The following TMEM268 variants were observed in gnomAD, a reference collection of about 807,000 sequenced individuals.
The protein encoded by TMEM268 is transmembrane protein 268.
A neutral mutation model predicts 39.1 loss-of-function variants in TMEM268; 24 were observed. The observed-to-expected ratio is 0.61, with a 90% CI of 0.44 to 0.86. The LOEUF is 0.86. TMEM268 is among the 40% of genes least tolerant of loss of function. The pLI is 0.00. For missense variants in TMEM268, 409 were observed against 428.6 expected, an observed-to-expected ratio of 0.95 and a Z score of 0.40; for synonymous variants, 176 against 173.5, an observed-to-expected ratio of 1.01 and a Z score of -0.12.
upstream of TMEM268, among the ~76,000 whole-genome samples, chr9:114,610,378 C>G (rs1046017982): frequency 1.3e-5 from 2 of 152,146 alleles, no homozygotes; most frequent in South Asian, 2.1e-4. Context: ...ATAACTTTTG[C>G]GCAAACCTAA....
At chr9:114,631,291 A>AAAAAAAAAAAAAAAAAAAAGG (rs1846387055) in intron 5 of TMEM268, among the ~76,000 whole-genome samples, 1 of 23,292 alleles carries the variant, frequency 4.3e-5, no homozygotes, top group African/African-American at 1.0e-4. Flanking sequence ...TCAAAAAAAA[A>AAAAAAAAAAAAAAAAAAAAGG]AAAAAAAAAA....
Position 114,633,864 on chromosome 9 carries a change from C to A in TMEM268, c.571C>A (p.Gln191Lys). Residue 191 changes from glutamine (Q) to lysine (K), a missense_variant, in exon 6 of 9, where the codon CAG becomes AAG. Coordinates refer to ENST00000288502, the MANE Select transcript of TMEM268 (RefSeq NM_153045.4). ...LGVTDTVEGC[Q>K]SVIQLWFVYF... ...GGTGACAGACACAGTGGAAGGATGC[C>A]AGAGTGTGATTCAGGTGCTGTGTCT... The A allele has an allele frequency of 6.3e-7, 1 of 1,594,438 alleles. No individual in the cohort carries two copies. The highest frequency in any genetic ancestry group is 8.5e-7 in the Non-Finnish European group (1 of 1,170,006).
chr9:114,611,293 T>C lies in TMEM268; in HGVS notation c.-350T>C, dbSNP rs1416730227. 1.3e-5 allele frequency: 2 copies of C among 151,496 alleles called. No individual in the cohort carries two copies. The highest frequency in any genetic ancestry group is 2.0e-4 in the East Asian group (1 of 5,120). The allele number at this position is 151,496 out of a possible 1,614,324, so 9.4% of individuals were successfully genotyped here. A position where few individuals can be genotyped will look rare whatever the true frequency, so the allele number is the denominator to read the frequency against. On this transcript the variant is annotated 5_prime_UTR_variant, in exon 1 of 9. It removes an upstream start codon present in the reference 5' UTR. Transcript: ENST00000288502. Reference sequence around the variant, plus strand: ...GCGTCCCGGGGGGGCGCTCGGCTGATGAAACGCGGCCTCCAGCTCCGCTCC... The same window carrying C: ...GCGTCCCGGGGGGGCGCTCGGCTGACGAAACGCGGCCTCCAGCTCCGCTCC...
At chr9:114,638,812 C>T in intron 8 of TMEM268, 86 bp downstream of exon 8, 2 of 1,010,812 alleles carry the variant, frequency 2.0e-6, no homozygotes, top group Non-Finnish European at 2.7e-6. Flanking sequence ...CTTAGATTCC[C>T]CAAGACATGC....
chr9:114,642,662 G>A (rs1249085213), intron 8 of TMEM268, among the ~76,000 whole-genome samples: 1 of 150,846 alleles, frequency 6.6e-6, no homozygotes, highest in East Asian at 1.9e-4. Context: ...TTTTATTTTT[G>A]TAGAGACAGA....
chr9:114,645,427 A>T lies in TMEM268; in HGVS notation c.*2114A>T, dbSNP rs1827537665. The T allele has an allele frequency of 6.6e-6, 1 of 152,362 alleles. No homozygotes were observed. The highest frequency in any genetic ancestry group is 2.4e-5 in the African/African-American group (1 of 41,460). 9.4% of individuals were successfully genotyped at this position (152,362 alleles called of 1,614,324 possible). On this transcript the variant is annotated 3_prime_UTR_variant, in exon 9 of 9. Coordinates refer to ENST00000288502, the MANE Select transcript of TMEM268 (RefSeq NM_153045.4). ...CACGTGGCTTGCCATTCAAGAGATG[A>T]GTCTGACCATTCACTTTCTGTGTGC...
At chr9:114,636,891 C>T in intron 6 of TMEM268, 99 bp from the exon 7 acceptor site, 1 of 738,840 alleles carries the variant, frequency 1.4e-6, no homozygotes, top group South Asian at 1.7e-5. Flanking sequence ...ATGGCACCTT[C>T]CTGCCAGACA....
At chr9:114,619,693 C>G (rs1299632902) in intron 2 of TMEM268, among the ~76,000 whole-genome samples, 2 of 152,128 alleles carry the variant, frequency 1.3e-5, no homozygotes, top group South Asian at 2.1e-4. Context: ...CTTTCATTTT[C>G]CCTGTTTACA....
rs187217491 is a variant in TMEM268, at chr9:114,623,065, G to A, written c.107-1285G>A. Among the ~76,000 whole-genome samples, 15 of 152,236 alleles carry A rather than the reference G, an allele frequency of 9.9e-5. No individual in the cohort carries two copies. The East Asian group carries it at 2.7e-3, about 28-fold the overall frequency. ...AGATCGTGCCACTGCACTCCAGCCT[G>A]AGTGACAGAGAGAGACTCTGTCTCC... On this transcript the variant is annotated intron_variant, in intron 2 of 8. Coordinates refer to ENST00000288502, the MANE Select transcript of TMEM268 (RefSeq NM_153045.4).
At position 114,644,579 on chromosome 9, in the gene TMEM268, C is replaced by T. The variant is rs745523903; in HGVS notation, c.*1266C>T. On this transcript the variant is annotated 3_prime_UTR_variant, in exon 9 of 9. Coordinates refer to ENST00000288502, the MANE Select transcript of TMEM268 (RefSeq NM_153045.4). ...TACACCTTGTACTTTTTGTGCATGA[C>T]CTGGACCTGCTAAGGAAAAAAAAAT... The T allele has an allele frequency of 4.0e-5, 6 of 149,362 alleles. No homozygotes were observed. The highest frequency in any genetic ancestry group is 7.5e-5 in the Non-Finnish European group (5 of 67,114). The allele number at this position is 149,362 out of a possible 1,614,324, so 9.3% of individuals were successfully genotyped here.
chr9:114,643,023 C>T, intron 8 of TMEM268, 111 bp from the exon 9 acceptor site: 1 of 1,109,446 alleles, frequency 9.0e-7, no homozygotes, highest in Non-Finnish European at 1.3e-6. Context: ...TAGAGAGCAT[C>T]ACTGCTGGGT....
intron 1 of TMEM268, among the ~76,000 whole-genome samples, chr9:114,615,145 C>T (rs1444932425): frequency 6.6e-6 from 1 of 152,168 alleles, no homozygotes; most frequent in East Asian, 1.9e-4. Context: ...GATCCGCCCG[C>T]CTCAGCCTCC....
intron 6 of TMEM268, among the ~76,000 whole-genome samples, chr9:114,636,193 G>A (rs181727750): frequency 6.6e-6 from 1 of 152,284 alleles, no homozygotes; most frequent in East Asian, 1.9e-4. Flanking sequence ...TTTCAGCCTG[G>A]TTAAATTTAG....
intron 8 of TMEM268, among the ~76,000 whole-genome samples, chr9:114,640,244 C>T (rs1239088964): frequency 6.6e-6 from 1 of 151,668 alleles, no homozygotes; most frequent in African/African-American, 2.4e-5. Context: ...TTACTCAAAC[C>T]AATAGTAATA....
intron 4 of TMEM268, among the ~76,000 whole-genome samples, 192 bp downstream of exon 4, chr9:114,627,198 C>G (rs1536737): frequency 0.89 from 134,714 of 152,174 alleles, 59,716 homozygotes; most frequent in East Asian, 0.92. Context: ...GAGTTGTAAC[C>G]AGGTCGTTGC....
chr9:114,641,079 T>C (rs190263503), intron 8 of TMEM268, among the ~76,000 whole-genome samples: 1 of 152,178 alleles, frequency 6.6e-6, no homozygotes, highest in Admixed American at 6.5e-5. Flanking sequence ...TTTCACCATG[T>C]TGGCCAGGCT....
chr9:114,624,572 G>A (rs1432188467), intron 3 of TMEM268, 113 bp downstream of exon 3: 60 of 1,449,524 alleles, frequency 4.1e-5, no homozygotes, highest in Non-Finnish European at 5.3e-5. Context: ...ACCAGCTGTC[G>A]TAGGGTATAT....
intron 6 of TMEM268, among the ~76,000 whole-genome samples, chr9:114,635,349 CAA>C (rs78652701): frequency 0.28 from 39,033 of 141,276 alleles, 5,493 homozygotes; most frequent in South Asian, 0.4. Context: ...GACTCCATCT[CAA>C]AAAAAAAAAA....
At chr9:114,615,935 G>A (rs563826599) in intron 1 of TMEM268, among the ~76,000 whole-genome samples, 35 of 151,176 alleles carry the variant, frequency 2.3e-4, no homozygotes, top group African/African-American at 7.5e-4. Context: ...CAGGTGATTC[G>A]CCCACTTTGG....
Sources: gnomAD v4.1 joint callset for allele counts (sites outside exome capture counted in the v4.1 genomes callset) on GRCh38, gnomAD v4.1.1 for gene constraint, MANE v1.5 for transcripts, NCBI Gene and HGNC (gene_info 2026-07-23, HGNC 2026-07-21) for gene names.